The following ARMC7 variants were observed in gnomAD, a reference collection of about 807,000 sequenced individuals.
ARMC7 encodes the protein armadillo repeat containing 7.
A neutral mutation model predicts 14.8 loss-of-function variants in ARMC7; 9 were observed. The ratio of observed to expected loss-of-function variants is 0.61; its 90% CI spans 0.37 to 1.06. The LOEUF is 1.06. Ranked by LOEUF, ARMC7 falls within the 50% of genes least tolerant of loss-of-function variation. ARMC7 has a pLI of 0.01. For missense variants in ARMC7, 262 were observed against 267.1 expected (o/e 0.98, Z 0.13); for synonymous variants, 125 against 123.4 (o/e 1.01, Z -0.09).
intron 2 of ARMC7, among the ~76,000 whole-genome samples, chr17:75,124,783 C>T (rs565196515): frequency 6.6e-6 from 1 of 152,132 alleles, no homozygotes; most frequent in African/African-American, 2.4e-5. Flanking sequence ...CTCACTCAGT[C>T]TCTCATAGCC....
At chr17:75,121,737 T>C (rs891968170) in intron 2 of ARMC7, among the ~76,000 whole-genome samples, 3 of 152,126 alleles carry the variant, frequency 2.0e-5, no homozygotes, top group Non-Finnish European at 4.4e-5. Context: ...TTTTTGCTAT[T>C]ATGTTGAGTG....
At chr17:75,128,353 G>A (rs974135164) in intron 2 of ARMC7, among the ~76,000 whole-genome samples, 2 of 152,090 alleles carry the variant, frequency 1.3e-5, no homozygotes, top group African/African-American at 2.4e-5. Context: ...GATTACAGGC[G>A]TGAACCACCG....
At chr17:75,128,420 G>A (rs903195577) in intron 2 of ARMC7, among the ~76,000 whole-genome samples, 1 of 152,234 alleles carries the variant, frequency 6.6e-6, no homozygotes, top group South Asian at 2.1e-4. Context: ...AAAAAAAAGC[G>A]TATCAGCCAT....
intron 2 of ARMC7, among the ~76,000 whole-genome samples, chr17:75,116,350 G>A (rs891896843): frequency 6.6e-6 from 1 of 152,180 alleles, no homozygotes; most frequent in East Asian, 1.9e-4. Flanking sequence ...GACCTAGGCC[G>A]GGCATGGTGG....
At position 75,130,180 on chromosome 17, in the gene ARMC7, T is replaced by A; in HGVS notation, c.*1142T>A. ...GAGGGAAGGGCTCATCAGCACCCGC[T>A]CAGGGAGCCTGTCCCTTTATGTTCC... On this transcript the variant is annotated 3_prime_UTR_variant, in exon 3 of 3. Coordinates refer to ENST00000245543, the MANE Select transcript of ARMC7 (RefSeq NM_024585.4). 1 of 325,992 alleles carries A rather than the reference T, an allele frequency of 3.1e-6. No individual in the cohort carries two copies. The highest frequency in any genetic ancestry group is 5.8e-6 in the Non-Finnish European group (1 of 173,236). The allele number at this position is 325,992 out of a possible 1,614,324, so 20.2% of individuals were successfully genotyped here. A position where few individuals can be genotyped will look rare whatever the true frequency, so the allele number is the denominator to read the frequency against.
At chr17:75,123,865 C>T (rs931901105) in intron 2 of ARMC7, among the ~76,000 whole-genome samples, 9 of 152,092 alleles carry the variant, frequency 5.9e-5, no homozygotes, top group East Asian at 2.0e-4. Flanking sequence ...GAGCCGAGAT[C>T]GTGCTACTGC....
At chr17:75,117,002 G>A (rs1186700340) in intron 2 of ARMC7, among the ~76,000 whole-genome samples, 2 of 152,154 alleles carry the variant, frequency 1.3e-5, no homozygotes, top group East Asian at 1.9e-4. Flanking sequence ...CCAAACAAAT[G>A]GATTCGCTCA....
intron 2 of ARMC7, among the ~76,000 whole-genome samples, chr17:75,118,736 C>T (rs1225453631): frequency 6.6e-6 from 1 of 152,242 alleles, no homozygotes; most frequent in African/African-American, 2.4e-5. Flanking sequence ...AAAGCTGCCT[C>T]TCCTGGATGC....
rs2074073473 is a variant in ARMC7 at position 75,128,768 on chromosome 17, C to T, written c.327C>T (p.Ser109=). 1.9e-6 allele frequency: 3 copies of T among 1,613,632 alleles called. No individual in the cohort carries two copies. Among genetic ancestry groups the T allele is most frequent in the Non-Finnish European group, 2.5e-6 (3 of 1,180,026 alleles). The change falls in exon 3 of 3, where the codon AGC becomes AGT. Residue 109 remains serine (S), a synonymous_variant. Coordinates refer to ENST00000245543, the MANE Select transcript of ARMC7 (RefSeq NM_024585.4). ...CACTCATCATCAACTGCCTATCCAG[C>T]CCCAATGAGGAGACGGTGCTGTCTG... ...GVPLIINCLS[S]PNEETVLSAI... is the part of the protein sequence containing the mutation.
chr17:75,114,622 C>G (rs2073959906), intron 2 of ARMC7: 2 of 396,562 alleles, frequency 5.0e-6, no homozygotes, highest in East Asian at 7.1e-5. Flanking sequence ...GTCTGTGCAT[C>G]TGTGTCTCTG....
rs546060870 is a variant in ARMC7, at chr17:75,110,192, C to G, written c.-97C>G. On this transcript the variant is annotated 5_prime_UTR_variant, in exon 1 of 3. Coordinates refer to ENST00000245543, the MANE Select transcript of ARMC7 (RefSeq NM_024585.4). ...ATTTGCCGACCCCCTCTTCCCTCTCCAGACAGGTGGAGAGCGGGTGAGGGT... is the reference window on the plus strand; with the variant it reads ...ATTTGCCGACCCCCTCTTCCCTCTCGAGACAGGTGGAGAGCGGGTGAGGGT... The G allele has an allele frequency of 1.1e-4, 140 of 1,231,490 alleles. 2 individuals are homozygous for G. In the East Asian group the frequency reaches 3.4e-3, roughly 30 times the overall value. 76.3% of individuals were successfully genotyped at this position (1,231,490 alleles called of 1,614,324 possible).
chr17:75,128,490 G>T (rs1356531959), intron 2 of ARMC7, among the ~76,000 whole-genome samples, 187 bp from the exon 3 acceptor site: 3 of 152,184 alleles, frequency 2.0e-5, no homozygotes, highest in African/African-American at 4.8e-5. Context: ...GGTGGGCTGT[G>T]GCAGGCTGGA....
intron 2 of ARMC7, among the ~76,000 whole-genome samples, chr17:75,116,593 C>T (rs2073974653): frequency 6.6e-6 from 1 of 152,290 alleles, no homozygotes; most frequent in East Asian, 1.9e-4. Flanking sequence ...CCATTGCACT[C>T]CAGCCTGGGC....
Position 75,130,177 on chromosome 17 carries a change from C to CGCT in ARMC7, c.*1140_*1142dup. 3.1e-6 allele frequency: 1 copy of CGCT among 318,286 alleles called. No homozygotes were observed. The highest frequency in any genetic ancestry group is 5.9e-6 in the Non-Finnish European group (1 of 168,638). 19.7% of individuals were successfully genotyped at this position (318,286 alleles called of 1,614,324 possible). A position where few individuals can be genotyped will look rare whatever the true frequency, so the allele number is the denominator to read the frequency against. ...GGGGAGGGAAGGGCTCATCAGCACC[C>CGCT]GCTCAGGGAGCCTGTCCCTTTATGT... On this transcript the variant is annotated 3_prime_UTR_variant, in exon 3 of 3. Coordinates refer to ENST00000245543, the MANE Select transcript of ARMC7 (RefSeq NM_024585.4).
At chr17:75,119,782 G>C (rs915236548) in intron 2 of ARMC7, among the ~76,000 whole-genome samples, 1 of 151,494 alleles carries the variant, frequency 6.6e-6, no homozygotes, top group Non-Finnish European at 1.5e-5. Context: ...CTTTGACCCT[G>C]GGCTGCTTCA....
rs2073894788 is a variant in ARMC7 at position 75,110,000 on chromosome 17, C to T, written c.-289C>T. On this transcript the variant is annotated 5_prime_UTR_variant, in exon 1 of 3. Coordinates refer to ENST00000245543, the MANE Select transcript of ARMC7 (RefSeq NM_024585.4). The surrounding 1 kb of genome is among the most constrained non-coding windows in gnomAD (Gnocchi z 5.0). The stretch of plus-strand genomic sequence containing the variant: ...GAGCCCAGGAGCCGGGGACGGTGCG[C>T]CAGTGCCCCCTCCGCGAGCCCCAAC... The T allele has an allele frequency of 2.7e-6, 1 of 367,312 alleles. No homozygotes were observed. The allele number at this position is 367,312 out of a possible 1,614,324, so 22.8% of individuals were successfully genotyped here.
At chr17:75,110,684 C>T in intron 2 of ARMC7, 78 bp downstream of exon 2, 4 of 1,561,448 alleles carry the variant, frequency 2.6e-6, no homozygotes, top group Non-Finnish European at 3.5e-6. Context: ...TCCTTGGGGC[C>T]GGGCGTGGTG....
intron 2 of ARMC7, among the ~76,000 whole-genome samples, chr17:75,121,343 A>C (rs1457744265): frequency 6.6e-6 from 1 of 152,188 alleles, no homozygotes. Context: ...GAAGCTGCCA[A>C]ATCACTTTCC....
chr17:75,113,005 ATTTTTTATT>A (rs896868796), intron 2 of ARMC7, among the ~76,000 whole-genome samples: 1 of 129,304 alleles, frequency 7.7e-6, no homozygotes, highest in African/African-American at 3.6e-5. Flanking sequence ...CAAATAACAC[ATTTTTTATT>A]TTATTTTATT....
Sources: allele counts gnomAD v4.1 joint callset (sites outside exome capture counted in the v4.1 genomes callset), GRCh38; gene constraint gnomAD v4.1.1; non-coding constraint Gnocchi (gnomAD v3.1); transcripts MANE v1.5; gene names NCBI Gene and HGNC (gene_info 2026-07-23, HGNC 2026-07-21).